The following NEMP2 variants were observed in gnomAD, a reference collection of about 807,000 sequenced individuals.
NEMP2 encodes the protein UPF0571 transmembrane protein.
In NEMP2, 53 loss-of-function variants were observed where a neutral mutation model predicts 54.2. The ratio of observed to expected loss-of-function variants is 0.98; its 90% confidence interval spans 0.78 to 1.23. NEMP2 has a LOEUF of 1.23. Ranked by LOEUF, NEMP2 falls within the 50% of genes most tolerant of loss-of-function variation. The probability of loss-of-function intolerance (pLI) is 0.00; values close to 1 mark genes in which losing one functional copy is unlikely to be tolerated. For synonymous variants in NEMP2, 197 were observed against 190.3 expected (o/e 1.04, Z -0.29); for missense variants, 455 against 511.3 (o/e 0.89, Z 1.06).
At chr2:190,477,945 A>G in the NEMP2 span, among the ~76,000 whole-genome samples, 5 of 141,450 alleles carry the variant, frequency 3.5e-5, no homozygotes, top group African/African-American at 1.2e-4. Flanking sequence ...GCATTCCAGC[A>G]TGGGGGAAGA....
chr2:190,576,475 A>G, the NEMP2 span, among the ~76,000 whole-genome samples: 1 of 152,350 alleles, frequency 6.6e-6, no homozygotes, highest in Non-Finnish European at 1.5e-5. Flanking sequence ...AACGGGAAAC[A>G]TCAAAATGCA....
the NEMP2 span, among the ~76,000 whole-genome samples, chr2:190,584,445 T>C: frequency 6.6e-6 from 1 of 152,222 alleles, no homozygotes; most frequent in Non-Finnish European, 1.5e-5. The surrounding 1 kb of genome is among the most constrained non-coding windows in gnomAD (Gnocchi z 4.2). Context: ...TAAGAAATCA[T>C]ACTCAGTACA....
the NEMP2 span, among the ~76,000 whole-genome samples, chr2:190,433,040 T>C: frequency 6.6e-6 from 1 of 152,258 alleles, no homozygotes; most frequent in African/African-American, 2.4e-5. The surrounding 1 kb of genome is among the most constrained non-coding windows in gnomAD (Gnocchi z 4.5). Flanking sequence ...GTTTACTTTC[T>C]GCTTTCCGTA....
the NEMP2 span, among the ~76,000 whole-genome samples, chr2:190,495,388 G>A: frequency 2.0e-5 from 3 of 152,108 alleles, no homozygotes; most frequent in African/African-American, 7.2e-5. This position sits in a 1 kb window ranked among gnomAD's most constrained non-coding sequence, Gnocchi z 4.7. Context: ...GCTCATGGAT[G>A]GGTAGAATCA....
chr2:190,586,941 G>A, the NEMP2 span, among the ~76,000 whole-genome samples: 1 of 152,014 alleles, frequency 6.6e-6, no homozygotes, highest in Admixed American at 6.6e-5. This position sits in a 1 kb window ranked among gnomAD's most constrained non-coding sequence, Gnocchi z 4.5. Context: ...TTCTCCTCTT[G>A]TGAGAATTTT....
the NEMP2 span, among the ~76,000 whole-genome samples, chr2:190,645,271 G>T: frequency 6.6e-6 from 1 of 152,080 alleles, no homozygotes; most frequent in Non-Finnish European, 1.5e-5. Context: ...AACAGAATTT[G>T]ATATATTTCT....
chr2:190,602,783 G>A, the NEMP2 span, among the ~76,000 whole-genome samples: 1 of 152,220 alleles, frequency 6.6e-6, no homozygotes, highest in African/African-American at 2.4e-5. Context: ...AAGAAGGGAT[G>A]TCAAGCAGGC....
chr2:190,566,827 T>G, the NEMP2 span, among the ~76,000 whole-genome samples: 2 of 152,002 alleles, frequency 1.3e-5, no homozygotes, highest in Non-Finnish European at 2.9e-5. Context: ...CCAAAAAAGT[T>G]AAATATACAA....
the NEMP2 span, among the ~76,000 whole-genome samples, chr2:190,478,208 T>C: frequency 6.6e-6 from 1 of 152,154 alleles, no homozygotes; most frequent in African/African-American, 2.4e-5. Context: ...TTCTCCCTTA[T>C]GCCAGTAGAA....
At chr2:190,552,155 G>A in the NEMP2 span, among the ~76,000 whole-genome samples, 3 of 152,182 alleles carry the variant, frequency 2.0e-5, no homozygotes, top group African/African-American at 4.8e-5. Flanking sequence ...AGCTGTTGCT[G>A]TTTTGGGCTT....
the NEMP2 span, among the ~76,000 whole-genome samples, chr2:190,582,207 G>C: frequency 6.6e-6 from 1 of 152,208 alleles, no homozygotes; most frequent in South Asian, 2.1e-4. This position sits in a 1 kb window ranked among gnomAD's most constrained non-coding sequence, Gnocchi z 4.6. Context: ...TAAGCTGATA[G>C]AGGCTCCATT....
At chr2:190,436,546 A>G in the NEMP2 span, 2 of 1,614,104 alleles carry the variant, frequency 1.2e-6, no homozygotes, top group African/African-American at 1.3e-5. This position sits in a 1 kb window ranked among gnomAD's most constrained non-coding sequence, Gnocchi z 5.3. Flanking sequence ...CACCAATGCA[A>G]GTCACCAGTT....
chr2:190,480,622 T>C, the NEMP2 span, among the ~76,000 whole-genome samples: 2 of 152,214 alleles, frequency 1.3e-5, no homozygotes, highest in Admixed American at 6.5e-5. Context: ...TACCAAAATA[T>C]GCAATAATCC....
the NEMP2 span, among the ~76,000 whole-genome samples, chr2:190,629,577 A>C: frequency 2.6e-5 from 4 of 152,208 alleles, no homozygotes; most frequent in Admixed American, 6.5e-5. Context: ...TAAATAGAAT[A>C]ATTCATTTTA....
the NEMP2 span, among the ~76,000 whole-genome samples, chr2:190,452,486 T>A: frequency 1.3e-5 from 2 of 152,320 alleles, no homozygotes; most frequent in Admixed American, 1.3e-4. Flanking sequence ...GAGATGAGAA[T>A]TGTAGAGTGA....
the NEMP2 span, among the ~76,000 whole-genome samples, chr2:190,557,856 C>A: frequency 6.6e-6 from 1 of 152,156 alleles, no homozygotes; most frequent in Non-Finnish European, 1.5e-5. Context: ...GAAATAGGAA[C>A]GCTTTTACAC....
chr2:190,475,602 G>C, the NEMP2 span, among the ~76,000 whole-genome samples: 1 of 152,174 alleles, frequency 6.6e-6, no homozygotes, highest in South Asian at 2.1e-4. Context: ...CTCATGGATA[G>C]GAAGAATCAA....
the NEMP2 span, among the ~76,000 whole-genome samples, chr2:190,495,746 G>T: frequency 6.6e-6 from 1 of 152,098 alleles, no homozygotes; most frequent in Non-Finnish European, 1.5e-5. This position sits in a 1 kb window ranked among gnomAD's most constrained non-coding sequence, Gnocchi z 4.7. Context: ...AGGGGGAAAG[G>T]ATACTCTATT....
the NEMP2 span, among the ~76,000 whole-genome samples, chr2:190,574,328 C>A: frequency 6.6e-6 from 1 of 151,880 alleles, no homozygotes; most frequent in Non-Finnish European, 1.5e-5. Flanking sequence ...TGCCTGAAAG[C>A]AGTTAAGATA....
Sources: gnomAD v4.1 joint callset for allele counts (sites outside exome capture counted in the v4.1 genomes callset) on GRCh38, gnomAD v4.1.1 for gene constraint, Gnocchi (gnomAD v3.1) non-coding constraint, MANE v1.5 for transcripts, NCBI Gene and HGNC (gene_info 2026-07-23, HGNC 2026-07-21) for gene names.